Variants in FTO observed in about 807,000 individuals in gnomAD.
FTO encodes alpha-ketoglutarate-dependent dioxygenase FTO.
Under a neutral mutation model 63.9 loss-of-function variants are expected in FTO, and 47 were observed. The ratio of observed to expected loss-of-function variants is 0.74; its 90% CI spans 0.58 to 0.94. The LOEUF is 0.94. Ranked by LOEUF, FTO falls within the 40% of genes least tolerant of loss-of-function variation. The pLI, the probability that FTO is intolerant of heterozygous loss-of-function variation, is 0.00. For missense variants in FTO, 562 were observed against 618.1 expected, an observed-to-expected ratio of 0.91 and a Z score of 0.96; for synonymous variants, 207 against 224.4, an observed-to-expected ratio of 0.92 and a Z score of 0.69.
chr16:53,968,959 C>T (rs113038382), intron 8 of FTO, among the ~76,000 whole-genome samples: 107 of 152,294 alleles, frequency 7.0e-4, no homozygotes, highest in African/African-American at 2.4e-3. Flanking sequence ...GAAACTTTCA[C>T]GATATTCACA....
intron 2 of FTO, among the ~76,000 whole-genome samples, chr16:53,811,066 G>A (rs185457061): frequency 3.9e-4 from 60 of 152,254 alleles, no homozygotes; most frequent in African/African-American, 1.4e-3. Flanking sequence ...TCATGTTCAG[G>A]AGAGTCAAAT....
chr16:53,831,197 G>A (rs1299797559), intron 3 of FTO, among the ~76,000 whole-genome samples: 1 of 152,140 alleles, frequency 6.6e-6, no homozygotes, highest in Non-Finnish European at 1.5e-5. Context: ...GAGTTTTGGA[G>A]TATTCATAAA....
chr16:53,858,671 C>CT (rs2080079530), intron 4 of FTO, among the ~76,000 whole-genome samples: 1 of 150,522 alleles, frequency 6.6e-6, no homozygotes, highest in South Asian at 2.1e-4. Context: ...TTTTTTTTTC[C>CT]TTTTTGTGAG....
intron 8 of FTO, among the ~76,000 whole-genome samples, chr16:54,095,742 G>GC (rs2086501909): frequency 1.3e-5 from 2 of 152,090 alleles, no homozygotes; most frequent in African/African-American, 2.4e-5. Flanking sequence ...CTTTTCTGCT[G>GC]CCCCCCGCCT....
At chr16:53,713,774 G>A (rs1386173130) in intron 1 of FTO, among the ~76,000 whole-genome samples, 1 of 152,166 alleles carries the variant, frequency 6.6e-6, no homozygotes, top group East Asian at 1.9e-4. Context: ...ACATTTTTAA[G>A]TGTACAATAA....
chr16:53,807,963 C>T (rs1448943737), intron 1 of FTO, among the ~76,000 whole-genome samples: 2 of 152,016 alleles, frequency 1.3e-5, no homozygotes, highest in African/African-American at 2.4e-5. Context: ...ACTGGTTTGT[C>T]GATTATCTGT....
At position 53,826,037 on chromosome 16, in the gene FTO, T is replaced by C; in HGVS notation, c.297T>C (p.Ile99=). 1 of 1,614,190 alleles carries C rather than the reference T, an allele frequency of 6.2e-7. No individual in the cohort carries two copies. Among genetic ancestry groups the C allele is most frequent in the Non-Finnish European group, 8.5e-7 (1 of 1,180,034 alleles). ...DLLTPVSRIL[I]GNPGCTYKYL... ...TCACTCCGGTATCTCGCATCCTCAT[T>C]GGTAATCCAGGCTGCACCTACAAGT... Residue 99 remains isoleucine, a synonymous_variant, in exon 3 of 9, where the codon ATT becomes ATC. Transcript: ENST00000471389.
chr16:53,741,963 A>G lies in FTO; in HGVS notation c.45+37734A>G, dbSNP rs539487832. ...GACCCATACTGGCTGTTGGCTGGAG[A>G]ATCAATTCCTTGCCACGTTTCTGTC... is the stretch of plus-strand genomic sequence containing the variant. On this transcript the variant is annotated intron_variant, in intron 1 of 8. Coordinates refer to ENST00000471389, the MANE Select transcript of FTO (RefSeq NM_001080432.3). Among the ~76,000 whole-genome samples the G allele has an allele frequency of 1.2e-4, 19 of 152,212 alleles. 1 individual carries two copies. The highest frequency in any genetic ancestry group is 3.4e-3 in the Middle Eastern group (1 of 294).
chr16:53,826,607 G>A (rs2079013347), intron 3 of FTO, 116 bp downstream of exon 3: 6 of 958,440 alleles, frequency 6.3e-6, no homozygotes, highest in African/African-American at 1.6e-5. Context: ...GCTTGCGTGT[G>A]TACATGCACA....
chr16:53,875,966 G>A (rs895671986), intron 5 of FTO, among the ~76,000 whole-genome samples: 1 of 152,222 alleles, frequency 6.6e-6, no homozygotes, highest in East Asian at 1.9e-4. Context: ...TGGGATTACA[G>A]GCGTGAGCCA....
chr16:53,764,397 C>G (rs1355799578), intron 1 of FTO: 1 of 148,212 alleles, frequency 6.7e-6, no homozygotes, highest in Non-Finnish European at 1.5e-5. Flanking sequence ...TTTGGGAGGC[C>G]GAGGCGGGCG....
chr16:54,011,078 G>C (rs1287197394), intron 8 of FTO, among the ~76,000 whole-genome samples: 2 of 152,146 alleles, frequency 1.3e-5, no homozygotes, highest in Non-Finnish European at 2.9e-5. Context: ...ATCCACCTCT[G>C]ACTTCTGCAC....
At chr16:53,769,184 G>A (rs1190305037) in intron 1 of FTO, among the ~76,000 whole-genome samples, 1 of 152,138 alleles carries the variant, frequency 6.6e-6, no homozygotes, top group Admixed American at 6.5e-5. Context: ...ATGTGGTATT[G>A]CATATTCGAT....
At chr16:53,891,774 A>G (rs963358675) in intron 7 of FTO, among the ~76,000 whole-genome samples, 12 of 152,232 alleles carry the variant, frequency 7.9e-5, no homozygotes, top group African/African-American at 2.4e-4. Context: ...TTGTGTATAA[A>G]TAATTTGAAG....
intron 8 of FTO, among the ~76,000 whole-genome samples, chr16:54,107,608 C>CA (rs2086787213): frequency 6.6e-6 from 1 of 152,146 alleles, no homozygotes; most frequent in African/African-American, 2.4e-5. Context: ...AGACTATCTG[C>CA]ATTCACTTGG....
intron 3 of FTO, among the ~76,000 whole-genome samples, chr16:53,834,193 T>G (rs2079224684): frequency 6.6e-6 from 1 of 151,904 alleles, no homozygotes; most frequent in Admixed American, 6.6e-5. Flanking sequence ...CCCGGCAAAT[T>G]TTTTGTATTT....
chr16:53,867,380 G>A (rs2080350319), intron 4 of FTO, among the ~76,000 whole-genome samples: 1 of 151,982 alleles, frequency 6.6e-6, no homozygotes, highest in East Asian at 1.9e-4. Context: ...ATTTTGAGAT[G>A]GAATAAGTGA....
intron 2 of FTO, among the ~76,000 whole-genome samples, chr16:53,821,567 A>G (rs1180305359): frequency 6.6e-6 from 1 of 152,182 alleles, no homozygotes; most frequent in Admixed American, 6.5e-5. Context: ...ATCCCTGACA[A>G]TCTCAATGAC....
chr16:54,018,429 CATA>C (rs58952405), intron 8 of FTO, among the ~76,000 whole-genome samples: 57,428 of 145,832 alleles, frequency 0.39, 13,644 homozygotes, highest in African/African-American at 0.68. Flanking sequence ...TACATACATA[CATA>C]CATACATACA....
Sources: allele counts gnomAD v4.1 joint callset (sites outside exome capture counted in the v4.1 genomes callset), GRCh38; gene constraint gnomAD v4.1.1; transcripts MANE v1.5; gene names NCBI Gene and HGNC (gene_info 2026-07-23, HGNC 2026-07-21).